Variants in POU6F2 observed in about 807,000 individuals in gnomAD.
POU6F2 encodes POU class 6 homeobox 2.
Under a neutral mutation model 71.3 loss-of-function variants are expected in POU6F2, and 31 were observed. The observed-to-expected ratio is 0.43, with a 90% CI of 0.33 to 0.59. The LOEUF is 0.59. Ranked by LOEUF, POU6F2 falls within the 20% of genes least tolerant of loss-of-function variation. POU6F2 has a pLI of 0.04. For synonymous variants in POU6F2, 347 were observed against 355.7 expected, an observed-to-expected ratio of 0.98 and a Z score of 0.27; for missense variants, 783 against 856.8, an observed-to-expected ratio of 0.91 and a Z score of 1.07.
At chr7:39,289,275 C>T (rs1352208459) in intron 4 of POU6F2, among the ~76,000 whole-genome samples, 1 of 152,216 alleles carries the variant, frequency 6.6e-6, no homozygotes, top group Non-Finnish European at 1.5e-5. Context: ...AACTAGACAG[C>T]AAGACCCAGA....
intron 5 of POU6F2, chr7:39,406,189 C>G (rs1174940869): frequency 6.3e-6 from 1 of 159,544 alleles, no homozygotes; most frequent in Non-Finnish European, 1.4e-5. Context: ...ATCTATTCCT[C>G]TCTTTCCCCG....
rs546255449 is a variant in POU6F2 at position 39,184,919 on chromosome 7, AAGTT to A, written c.278-19313_278-19310del. On this transcript the variant is annotated intron_variant, in intron 2 of 9. Coordinates refer to ENST00000518318, the MANE Select transcript of POU6F2 (RefSeq NM_001370959.1). ...CAGAGGACATAGGAAAGGTGGAAAA[AAGTT>A]AGATATACAAGCAAGAAAAAGTGAG... Among the ~76,000 whole-genome samples, 485 of 152,294 alleles carry A rather than the reference AAGTT, an allele frequency of 3.2e-3. 3 individuals carry two copies. The highest frequency in any genetic ancestry group is 6.8e-3 in the Middle Eastern group (2 of 294).
chr7:39,179,394 C>G (rs565133122), intron 2 of POU6F2, among the ~76,000 whole-genome samples: 2 of 152,374 alleles, frequency 1.3e-5, no homozygotes, highest in African/African-American at 4.8e-5. Context: ...GTATCCTCCT[C>G]TCTCCTAGCT....
chr7:39,238,085 G>A (rs2128750964), intron 4 of POU6F2, among the ~76,000 whole-genome samples: 1 of 152,196 alleles, frequency 6.6e-6, no homozygotes, highest in Non-Finnish European at 1.5e-5. Context: ...TAATTTCAGG[G>A]GGGTATAAAT....
chr7:39,340,141 A>G, intron 5 of POU6F2, 126 bp downstream of exon 5: 1 of 1,299,370 alleles, frequency 7.7e-7, no homozygotes, highest in Admixed American at 2.8e-5. Flanking sequence ...TCTAATTCAA[A>G]TTGATCTCTT....
intron 9 of POU6F2, among the ~76,000 whole-genome samples, chr7:39,461,617 C>G (rs1788951504): frequency 6.6e-6 from 1 of 152,060 alleles, no homozygotes; most frequent in Non-Finnish European, 1.5e-5. Context: ...ATGTATTCCC[C>G]AAAGGACGGA....
intron 6 of POU6F2, among the ~76,000 whole-genome samples, chr7:39,417,673 T>C (rs896809538): frequency 6.6e-6 from 1 of 152,168 alleles, no homozygotes; most frequent in Non-Finnish European, 1.5e-5. Flanking sequence ...CTAGATGAGA[T>C]ACTTGCCAAT....
chr7:39,123,891 G>C (rs1176886637), intron 2 of POU6F2, among the ~76,000 whole-genome samples: 1 of 151,754 alleles, frequency 6.6e-6, no homozygotes, highest in Non-Finnish European at 1.5e-5. Context: ...GTAAATTCAT[G>C]ATAACAAAAG....
At chr7:39,120,332 A>G (rs1237682503) in intron 2 of POU6F2, among the ~76,000 whole-genome samples, 2 of 152,186 alleles carry the variant, frequency 1.3e-5, no homozygotes, top group Admixed American at 6.6e-5. Context: ...GCTGTGTATA[A>G]CTAAAATAAA....
chr7:39,193,555 C>T (rs1793714499), intron 2 of POU6F2, among the ~76,000 whole-genome samples: 1 of 152,126 alleles, frequency 6.6e-6, no homozygotes, highest in Non-Finnish European at 1.5e-5. Flanking sequence ...TAACTGTGAC[C>T]ACACGTGAAT....
intron 1 of POU6F2, among the ~76,000 whole-genome samples, chr7:39,068,098 G>T (rs916069249): frequency 6.6e-6 from 1 of 151,992 alleles, no homozygotes; most frequent in Admixed American, 6.6e-5. Context: ...AGATTGCCTG[G>T]TTTTTTGATA....
intron 5 of POU6F2, among the ~76,000 whole-genome samples, chr7:39,355,545 A>G (rs2115687477): frequency 6.6e-6 from 1 of 152,272 alleles, no homozygotes; most frequent in Middle Eastern, 3.4e-3. Flanking sequence ...GGGATTTCTT[A>G]GGTGTATAGC....
chr7:39,466,607 C>G lies in POU6F2; in HGVS notation c.*1921C>G, dbSNP rs1789077322. 1 of 152,378 alleles carries G rather than the reference C, an allele frequency of 6.6e-6. No homozygotes were observed. Among genetic ancestry groups the G allele is most frequent in the East Asian group, 1.9e-4 (1 of 5,194 alleles). 9.4% of individuals were successfully genotyped at this position (152,378 alleles called of 1,614,324 possible). On this transcript the variant is annotated 3_prime_UTR_variant, in exon 10 of 10. Transcript: ENST00000518318. ...CCATCTCCTTCCCCTAATACACTCC[C>G]TCTCCCTGGGGAGTTTGAGTTTCTT...
At chr7:39,431,626 G>A (rs1485623796) in intron 6 of POU6F2, among the ~76,000 whole-genome samples, 3 of 152,160 alleles carry the variant, frequency 2.0e-5, no homozygotes, top group African/African-American at 7.2e-5. Context: ...GAGCTAGGGG[G>A]AAGGATGGAA....
intron 4 of POU6F2, among the ~76,000 whole-genome samples, chr7:39,216,632 A>C (rs1794248062): frequency 1.3e-5 from 2 of 152,194 alleles, no homozygotes; most frequent in Non-Finnish European, 1.5e-5. Context: ...ATTTGTACAA[A>C]AAGGGGGAAT....
intron 8 of POU6F2, among the ~76,000 whole-genome samples, chr7:39,452,279 T>C (rs570767201): frequency 8.6e-4 from 131 of 152,338 alleles, no homozygotes; most frequent in African/African-American, 3.1e-3. Context: ...CCTGCAAGTC[T>C]GCCTCCCTAA....
intron 1 of POU6F2, among the ~76,000 whole-genome samples, chr7:39,054,030 A>T (rs1293175813): frequency 3.3e-5 from 5 of 151,964 alleles, no homozygotes; most frequent in Non-Finnish European, 7.4e-5. Flanking sequence ...TTGAACCTGG[A>T]GGTGGAGGTT....
At chr7:39,091,223 C>T (rs1178583359) in intron 2 of POU6F2, among the ~76,000 whole-genome samples, 4 of 152,170 alleles carry the variant, frequency 2.6e-5, no homozygotes, top group Non-Finnish European at 5.9e-5. Flanking sequence ...TGTGGAGCTG[C>T]TCATTTCTAA....
chr7:39,001,982 T>C (rs1007804224), intron 1 of POU6F2: 1 of 152,234 alleles, frequency 6.6e-6, no homozygotes. Context: ...GTAATGTTGA[T>C]TATAAGCCAC....
Sources: gnomAD v4.1 joint callset for allele counts (sites outside exome capture counted in the v4.1 genomes callset) on GRCh38, gnomAD v4.1.1 for gene constraint, MANE v1.5 for transcripts, NCBI Gene and HGNC (gene_info 2026-07-23, HGNC 2026-07-21) for gene names.